ATRNL1: variants seen among roughly 807,000 people sequenced by gnomAD.
ATRNL1 encodes attractin like 1.
In ATRNL1, 95 loss-of-function variants were observed where a neutral mutation model predicts 182.7. The observed-to-expected ratio is 0.52, with a 90% CI of 0.44 to 0.62. The LOEUF is 0.62. Ranked by LOEUF, ATRNL1 falls within the 20% of genes least tolerant of loss-of-function variation. The pLI is 0.00. For synonymous variants in ATRNL1, 576 were observed against 568.3 expected, an observed-to-expected ratio of 1.01 and a Z score of -0.19; for missense variants, 1,471 against 1,679.5, an observed-to-expected ratio of 0.88 and a Z score of 2.17.
At chr10:115,555,186 G>T (rs1327529026) in intron 26 of ATRNL1, among the ~76,000 whole-genome samples, 1 of 151,732 alleles carries the variant, frequency 6.6e-6, no homozygotes, top group Non-Finnish European at 1.5e-5. Flanking sequence ...AAATCCACAG[G>T]AACTCAGAGA....
intron 19 of ATRNL1, among the ~76,000 whole-genome samples, chr10:115,378,712 A>G (rs978408490): frequency 2.0e-5 from 3 of 152,214 alleles, no homozygotes; most frequent in African/African-American, 7.2e-5. Context: ...CAGATCAGCA[A>G]GTCTCCCAGT....
chr10:115,678,606 G>T (rs1945943952), intron 26 of ATRNL1, among the ~76,000 whole-genome samples: 1 of 151,994 alleles, frequency 6.6e-6, no homozygotes, highest in Admixed American at 6.6e-5. Flanking sequence ...TATGCAAATA[G>T]CATGATAATA....
intron 26 of ATRNL1, among the ~76,000 whole-genome samples, chr10:115,688,142 G>T (rs1320497267): frequency 6.6e-6 from 1 of 152,068 alleles, no homozygotes; most frequent in Admixed American, 6.6e-5. Flanking sequence ...GAAATGACAT[G>T]ATTTCATTCT....
intron 20 of ATRNL1, among the ~76,000 whole-genome samples, chr10:115,419,279 T>C (rs782425803): frequency 1.3e-4 from 20 of 152,192 alleles, no homozygotes; most frequent in Admixed American, 2.0e-4. Flanking sequence ...CTAAAAGCTA[T>C]AATAGATAAC....
intron 27 of ATRNL1, among the ~76,000 whole-genome samples, chr10:115,821,290 G>C (rs1226359125): frequency 6.6e-6 from 1 of 152,142 alleles, no homozygotes; most frequent in African/African-American, 2.4e-5. Context: ...GTGTGAATTT[G>C]ATCCTGTCAT....
At chr10:115,703,036 C>T (rs1946786499) in intron 26 of ATRNL1, among the ~76,000 whole-genome samples, 1 of 151,898 alleles carries the variant, frequency 6.6e-6, no homozygotes, top group Admixed American at 6.6e-5. Context: ...GTAATCAAAA[C>T]AGATGGTACT....
At chr10:115,336,888 C>T (rs1356295437) in intron 19 of ATRNL1, among the ~76,000 whole-genome samples, 2 of 151,366 alleles carry the variant, frequency 1.3e-5, no homozygotes, top group African/African-American at 4.9e-5. Context: ...CTGTGTTGCC[C>T]AGGCTGGAGT....
chr10:115,599,112 A>T (rs1406606244), intron 26 of ATRNL1, among the ~76,000 whole-genome samples: 1 of 152,218 alleles, frequency 6.6e-6, no homozygotes, highest in Non-Finnish European at 1.5e-5. Flanking sequence ...CACCACCAAT[A>T]TAATAAGAAC....
intron 27 of ATRNL1, among the ~76,000 whole-genome samples, chr10:115,823,715 T>TA (rs1950357669): frequency 6.6e-6 from 1 of 152,088 alleles, no homozygotes; most frequent in South Asian, 2.1e-4. Context: ...GCATACAACT[T>TA]ACAAAGGACG....
At chr10:115,512,562 A>G (rs143465022) in intron 24 of ATRNL1, among the ~76,000 whole-genome samples, 151 of 151,484 alleles carry the variant, frequency 1.0e-3, no homozygotes, top group African/African-American at 3.5e-3. Flanking sequence ...TAATTTATTT[A>G]TTTATTCAGT....
At chr10:115,095,751 G>A (rs565787131) in intron 1 of ATRNL1, among the ~76,000 whole-genome samples, 2 of 152,180 alleles carry the variant, frequency 1.3e-5, no homozygotes, top group African/African-American at 4.8e-5. Flanking sequence ...AGAATTCAGC[G>A]TCTTTACCTA....
At chr10:115,695,479 C>T (rs1264452737) in intron 26 of ATRNL1, among the ~76,000 whole-genome samples, 1 of 152,040 alleles carries the variant, frequency 6.6e-6, no homozygotes, top group African/African-American at 2.4e-5. Context: ...AGCATTCAGT[C>T]CAAGCTTTCA....
At chr10:115,213,833 A>G (rs1849122370) in intron 8 of ATRNL1, among the ~76,000 whole-genome samples, 1 of 152,086 alleles carries the variant, frequency 6.6e-6, no homozygotes, top group Non-Finnish European at 1.5e-5. Flanking sequence ...GCTGCTGTTG[A>G]TTGCAAGGTT....
At chr10:115,459,562 G>A (rs1847694196) in intron 21 of ATRNL1, among the ~76,000 whole-genome samples, 2 of 150,736 alleles carry the variant, frequency 1.3e-5, no homozygotes, top group African/African-American at 5.0e-5. Context: ...AATAAATTTT[G>A]GTCAGACTGG....
At chr10:115,407,753 G>C (rs193272534) in intron 20 of ATRNL1, among the ~76,000 whole-genome samples, 38 of 152,248 alleles carry the variant, frequency 2.5e-4, no homozygotes, top group Non-Finnish European at 4.3e-4. Flanking sequence ...CCAGTAGTGG[G>C]AAGTCTGCAT....
intron 1 of ATRNL1, among the ~76,000 whole-genome samples, chr10:115,110,467 T>A (rs1378801427): frequency 6.6e-6 from 1 of 152,178 alleles, no homozygotes; most frequent in East Asian, 1.9e-4. Flanking sequence ...AGTTGGGACC[T>A]CATTCATATA....
At chr10:115,915,843 C>T (rs782062267) in intron 28 of ATRNL1, among the ~76,000 whole-genome samples, 1 of 152,162 alleles carries the variant, frequency 6.6e-6, no homozygotes, top group Admixed American at 6.5e-5. Context: ...TTTCCTAGGC[C>T]AGCAAATTGC....
intron 10 of ATRNL1, among the ~76,000 whole-genome samples, chr10:115,257,000 T>C (rs1554907176): frequency 6.6e-6 from 1 of 152,210 alleles, no homozygotes; most frequent in East Asian, 1.9e-4. Flanking sequence ...AGAGACAGTT[T>C]TTTTGTGATT....
chr10:115,205,910 AC>A (rs1554893619), intron 8 of ATRNL1, among the ~76,000 whole-genome samples: 2 of 152,078 alleles, frequency 1.3e-5, no homozygotes. Context: ...CCAGAAATTT[AC>A]CATATCTATT....
Sources: gnomAD v4.1 joint callset for allele counts (sites outside exome capture counted in the v4.1 genomes callset) on GRCh38, gnomAD v4.1.1 for gene constraint, MANE v1.5 for transcripts, NCBI Gene and HGNC (gene_info 2026-07-23, HGNC 2026-07-21) for gene names.